DPYD: variants seen among roughly 807,000 people sequenced by gnomAD.
The protein encoded by DPYD is dihydropyrimidine dehydrogenase, also known as dihydropyrimidine dehydrogenase [NADP(+)].
In DPYD, 109 loss-of-function variants were observed where a neutral mutation model predicts 116.2. That is an observed-to-expected ratio of 0.94 (90% CI 0.80 to 1.10). DPYD has a LOEUF of 1.10. Ranked by LOEUF, DPYD falls within the 50% of genes least tolerant of loss-of-function variation. The probability of loss-of-function intolerance (pLI) is 0.00; values close to 1 mark genes in which losing one functional copy is unlikely to be tolerated. For synonymous variants in DPYD, 440 were observed against 432.0 expected (o/e 1.02, Z -0.23); for missense variants, 1,302 against 1,254.5 (o/e 1.04, Z -0.57).
intron 12 of DPYD, among the ~76,000 whole-genome samples, chr1:97,527,217 C>T (rs1294906834): frequency 4.6e-5 from 7 of 151,816 alleles, no homozygotes; most frequent in East Asian, 3.9e-4. Flanking sequence ...TAGCTGGGAC[C>T]ACAGGCGCCT....
intron 20 of DPYD, among the ~76,000 whole-genome samples, chr1:97,173,418 ATATG>A (rs1038243990): frequency 1.8e-4 from 27 of 150,374 alleles, no homozygotes; most frequent in African/African-American, 5.9e-4. Flanking sequence ...GTACGTACAT[ATATG>A]TGTGTATATA....
chr1:97,436,646 C>T (rs1334039291), intron 14 of DPYD, among the ~76,000 whole-genome samples: 1 of 151,982 alleles, frequency 6.6e-6, no homozygotes, highest in African/African-American at 2.4e-5. Context: ...GATGGATTTT[C>T]TCAAGATTCT....
At chr1:97,714,169 T>C (rs1470041296) in intron 5 of DPYD, among the ~76,000 whole-genome samples, 1 of 152,086 alleles carries the variant, frequency 6.6e-6, no homozygotes, top group Non-Finnish European at 1.5e-5. Flanking sequence ...AAACTGCAGA[T>C]AAACACTTAA....
rs974261153 is a variant in DPYD, at chr1:97,077,815, A to G, written c.*1161T>C. 2.6e-5 allele frequency: 4 copies of G among 152,168 alleles called. No homozygotes were observed. The highest frequency in any genetic ancestry group is 9.6e-5 in the African/African-American group (4 of 41,452). 9.4% of individuals were successfully genotyped at this position (152,168 alleles called of 1,614,324 possible). ...GTTTTGTGGCAAATATGCATTTCTA[A>G]AAGTGCATAATGAAACATTTTATTT... is the stretch of plus-strand genomic sequence containing the variant. On this transcript the variant is annotated 3_prime_UTR_variant, in exon 23 of 23. Coordinates refer to ENST00000370192, the MANE Select transcript of DPYD (RefSeq NM_000110.4).
chr1:97,865,358 T>C (rs1299750752), intron 2 of DPYD, among the ~76,000 whole-genome samples: 1 of 151,996 alleles, frequency 6.6e-6, no homozygotes, highest in African/African-American at 2.4e-5. Context: ...TCTGAAAATA[T>C]GGAAATATCT....
intron 8 of DPYD, among the ~76,000 whole-genome samples, chr1:97,595,648 C>G (rs916853898): frequency 3.3e-5 from 5 of 151,710 alleles, no homozygotes; most frequent in African/African-American, 1.2e-4. Flanking sequence ...AATTCAACCA[C>G]TGCTAAATTT....
At chr1:97,287,947 C>T (rs4492671) in intron 18 of DPYD, among the ~76,000 whole-genome samples, 89,363 of 150,632 alleles carry the variant, frequency 0.59, 26,750 homozygotes, top group South Asian at 0.71. Context: ...ACCCATCTCA[C>T]GTGCAGAGAC....
intron 20 of DPYD, among the ~76,000 whole-genome samples, chr1:97,178,822 G>A (rs993692218): frequency 7.9e-5 from 12 of 152,104 alleles, no homozygotes; most frequent in African/African-American, 2.9e-4. Context: ...CAAAATAAAA[G>A]TTCCTTTCTT....
chr1:97,505,271 A>C (rs1300403217), intron 13 of DPYD, among the ~76,000 whole-genome samples: 3 of 151,976 alleles, frequency 2.0e-5, no homozygotes, highest in Admixed American at 2.0e-4. Context: ...TTCCCTGTTT[A>C]TACAACAACA....
At position 97,426,543 on chromosome 1, in the gene DPYD, A is replaced by T. The variant is rs139208383; in HGVS notation, c.1905+23516T>A. Among the ~76,000 whole-genome samples the T allele has an allele frequency of 2.0e-3, 303 of 152,204 alleles. 5 individuals are homozygous for T. The highest frequency in any genetic ancestry group is 6.8e-3 in the Middle Eastern group (2 of 294). The stretch of plus-strand genomic sequence containing the variant: ...TTTGGTGACATAGAATGCTGACTCA[A>T]CCTCTCTCCAAATGGCACTGCGAAG... On this transcript the variant is annotated intron_variant, in intron 14 of 22. Transcript: ENST00000370192.
At chr1:97,400,579 T>C (rs1286861951) in intron 14 of DPYD, among the ~76,000 whole-genome samples, 1 of 152,210 alleles carries the variant, frequency 6.6e-6, no homozygotes, top group Non-Finnish European at 1.5e-5. Context: ...CGTCTGGTCC[T>C]GGACTTTTTT....
At chr1:97,856,691 A>G (rs1479014788) in intron 2 of DPYD, 1 of 152,270 alleles carries the variant, frequency 6.6e-6, no homozygotes, top group African/African-American at 2.4e-5. Flanking sequence ...CAAGTTGTGA[A>G]GGTGTGCAAA....
At chr1:97,502,199 T>C (rs1679623528) in intron 13 of DPYD, among the ~76,000 whole-genome samples, 1 of 152,124 alleles carries the variant, frequency 6.6e-6, no homozygotes, top group Non-Finnish European at 1.5e-5. Context: ...CTTCATAGTT[T>C]AATTGGTTAA....
chr1:97,815,973 C>T (rs1175079704), intron 3 of DPYD, among the ~76,000 whole-genome samples: 1 of 152,188 alleles, frequency 6.6e-6, no homozygotes, highest in Non-Finnish European at 1.5e-5. Context: ...TCCCAGTTCA[C>T]TGCATATCTG....
chr1:97,152,693 A>G (rs1330376957), intron 20 of DPYD, among the ~76,000 whole-genome samples: 1 of 151,156 alleles, frequency 6.6e-6, no homozygotes, highest in Non-Finnish European at 1.5e-5. Flanking sequence ...GTAGACTAAT[A>G]TATTGATATA....
intron 10 of DPYD, among the ~76,000 whole-genome samples, chr1:97,591,212 C>G (rs767971054): frequency 5.9e-5 from 9 of 152,190 alleles, no homozygotes; most frequent in Non-Finnish European, 1.2e-4. Flanking sequence ...TTTAAAATGG[C>G]AAACCCTGCC....
intron 16 of DPYD, among the ~76,000 whole-genome samples, chr1:97,315,856 G>A (rs1667798813): frequency 6.6e-6 from 1 of 151,970 alleles, no homozygotes; most frequent in South Asian, 2.1e-4. Flanking sequence ...TCCAATACCA[G>A]GAAGCAGGGC....
chr1:97,920,170 T>A (rs897917793), intron 1 of DPYD, among the ~76,000 whole-genome samples: 5 of 152,192 alleles, frequency 3.3e-5, no homozygotes, highest in Non-Finnish European at 5.9e-5. Context: ...TATATTAAGA[T>A]ACTAGAGAGA....
intron 19 of DPYD, among the ~76,000 whole-genome samples, chr1:97,233,034 G>T (rs900336064): frequency 1.3e-5 from 2 of 152,094 alleles, no homozygotes; most frequent in African/African-American, 4.8e-5. Flanking sequence ...CTTTGTTTCT[G>T]CTAGCTTTCC....
Sources: allele counts gnomAD v4.1 joint callset (sites outside exome capture counted in the v4.1 genomes callset), GRCh38; gene constraint gnomAD v4.1.1; transcripts MANE v1.5; gene names NCBI Gene and HGNC (gene_info 2026-07-23, HGNC 2026-07-21).